PTCHD1: variants seen among roughly 807,000 people sequenced by gnomAD.
The protein encoded by PTCHD1 is patched domain-containing protein 1.
In PTCHD1, 3 loss-of-function variants were observed where a neutral mutation model predicts 34.6. That is an observed-to-expected ratio of 0.09 (90% CI 0.04 to 0.22). The LOEUF is 0.22. Among genes scored for constraint, PTCHD1 ranks in the 10% least tolerant of loss-of-function variants. PTCHD1 has a pLI of 1.00. For synonymous variants in PTCHD1, 305 were observed against 283.1 expected (o/e 1.08, Z -0.77); for missense variants, 504 against 685.5 (o/e 0.74, Z 2.96).
chrX:23,349,183 C>A (rs770024281), intron 1 of PTCHD1, among the ~76,000 whole-genome samples: 1 of 110,144 alleles, frequency 9.1e-6, no homozygotes, highest in Non-Finnish European at 1.9e-5. Context: ...ATAAAATGCT[C>A]AATTAAAACC....
chrX:23,337,751 G>A (rs1373130232), intron 1 of PTCHD1, among the ~76,000 whole-genome samples: 1 of 111,397 alleles, frequency 9.0e-6, no homozygotes, highest in Non-Finnish European at 1.9e-5. Flanking sequence ...GCATGAGCAG[G>A]TCTGAGGCTT....
At chrX:23,380,539 T>A (rs1487483046) in intron 2 of PTCHD1, among the ~76,000 whole-genome samples, 1 of 111,466 alleles carries the variant, frequency 9.0e-6, no homozygotes, top group Admixed American at 9.5e-5. Flanking sequence ...TGTCTTAGGT[T>A]GGGCTTCCCC....
At chrX:23,373,502 A>G (rs1393571475) in intron 1 of PTCHD1, among the ~76,000 whole-genome samples, 1 of 112,954 alleles carries the variant, frequency 8.9e-6, no homozygotes, top group East Asian at 2.8e-4. Context: ...TTTCAAAGGC[A>G]GGATGATATT....
At chrX:23,353,696 T>C (rs1160818652) in intron 1 of PTCHD1, among the ~76,000 whole-genome samples, 8 of 112,117 alleles carry the variant, frequency 7.1e-5, no homozygotes, top group African/African-American at 2.6e-4. Flanking sequence ...ACGGGCTCCA[T>C]CATTTATTCG....
chrX:23,337,822 A>G (rs1601899936), intron 1 of PTCHD1, among the ~76,000 whole-genome samples: 1 of 110,505 alleles, frequency 9.0e-6, no homozygotes, highest in East Asian at 2.8e-4. Flanking sequence ...GTGTTGCTTC[A>G]AGCATGAAGA....
At chrX:23,338,518 T>G (rs896899645) in intron 1 of PTCHD1, among the ~76,000 whole-genome samples, 2 of 112,432 alleles carry the variant, frequency 1.8e-5, no homozygotes, top group African/African-American at 6.5e-5. Flanking sequence ...TACAGCCCAG[T>G]ACTTATGATA....
chrX:23,364,244 T>C (rs1922069604), intron 1 of PTCHD1, among the ~76,000 whole-genome samples: 1 of 110,819 alleles, frequency 9.0e-6, no homozygotes, highest in Non-Finnish European at 1.9e-5. Flanking sequence ...CTCTGGGTAC[T>C]GTAAATATGC....
intron 1 of PTCHD1, among the ~76,000 whole-genome samples, chrX:23,360,487 T>C (rs1301499153): frequency 5.4e-5 from 6 of 112,102 alleles, no homozygotes; most frequent in Non-Finnish European, 3.8e-5. Flanking sequence ...GTGGGATCGG[T>C]GGTGATATCC....
intron 2 of PTCHD1, among the ~76,000 whole-genome samples, chrX:23,390,947 G>A (rs932210405): frequency 3.0e-5 from 2 of 65,635 alleles, no homozygotes; most frequent in Non-Finnish European, 5.3e-5. Flanking sequence ...GATTGAATAT[G>A]CCAAGGCGAT....
At chrX:23,351,287 A>G (rs1921626761) in intron 1 of PTCHD1, 1 of 844,102 alleles carries the variant, frequency 1.2e-6, no homozygotes, top group African/African-American at 2.0e-5. Flanking sequence ...CTGTTCACAC[A>G]AAAGATGTTG....
In PTCHD1 at chrX:23,393,189, G is replaced by T. The variant is rs1482538532; in HGVS notation, c.1671G>T (p.Gly557=). The change falls in exon 3 of 3, where the codon GGG becomes GGT. Residue 557 remains glycine (G), a synonymous_variant. Transcript: ENST00000379361. ...KYFSNYSPVI[G]FYIYESIEYW... is the part of the protein sequence containing the mutation. ...TCAGCAACTACAGTCCTGTGATTGGGTTTTACATATATGAGTCTATAGAAT... is the reference window on the plus strand; with the variant it reads ...TCAGCAACTACAGTCCTGTGATTGGTTTTTACATATATGAGTCTATAGAAT... 1 of 1,209,018 alleles carries T rather than the reference G, an allele frequency of 8.3e-7. No individual in the cohort carries two copies. Among genetic ancestry groups the T allele is most frequent in the African/African-American group, 1.7e-5 (1 of 57,210 alleles).
At chrX:23,372,982 A>C (rs1159602752) in intron 1 of PTCHD1, among the ~76,000 whole-genome samples, 2 of 112,423 alleles carry the variant, frequency 1.8e-5, no homozygotes, top group East Asian at 5.6e-4. Flanking sequence ...AGACCAAGTG[A>C]AATTTTCTCC....
At chrX:23,368,192 A>G (rs1317483387) in intron 1 of PTCHD1, among the ~76,000 whole-genome samples, 1 of 111,742 alleles carries the variant, frequency 8.9e-6, no homozygotes, top group Non-Finnish European at 1.9e-5. Flanking sequence ...GAAAAATTCA[A>G]ACTACCCTAT....
At position 23,394,944 on chromosome X, in the gene PTCHD1, C is replaced by T. The variant is rs901149745; in HGVS notation, c.*759C>T. The T allele has an allele frequency of 8.9e-6, 1 of 112,711 alleles. No homozygotes were observed. Among genetic ancestry groups the T allele is most frequent in the African/African-American group, 3.2e-5 (1 of 30,991 alleles). The allele number at this position is 112,711 out of a possible 1,213,427, so 9.3% of individuals were successfully genotyped here. On this transcript the variant is annotated 3_prime_UTR_variant, in exon 3 of 3. Coordinates refer to ENST00000379361, the MANE Select transcript of PTCHD1 (RefSeq NM_173495.3). The stretch of plus-strand genomic sequence containing the variant: ...AAAACCAATGACAGCTCCAGCACTG[C>T]AGAATTGGTGTGATTCTACTTTGGA...
chrX:23,365,937 T>C (rs1258275205), intron 1 of PTCHD1, among the ~76,000 whole-genome samples: 1 of 111,964 alleles, frequency 8.9e-6, no homozygotes, highest in Admixed American at 9.4e-5. Context: ...ATACAGAAAA[T>C]TGAAAAGCCA....
Position 23,372,181 on chromosome X carries a change from G to GT in PTCHD1, c.352-7397dup, listed in dbSNP as rs372544790. Among the ~76,000 whole-genome samples the GT allele has an allele frequency of 6.1e-3, 616 of 101,649 alleles. 2 individuals carry two copies. The highest frequency in any genetic ancestry group is 0.021 in the South Asian group (48 of 2,245). 88.3% of individuals were successfully genotyped at this position (101,649 alleles called of 115,157 possible). A position where few individuals can be genotyped will look rare whatever the true frequency, so the allele number is the denominator to read the frequency against. On this transcript the variant is annotated intron_variant, in intron 1 of 2. Coordinates refer to ENST00000379361, the MANE Select transcript of PTCHD1 (RefSeq NM_173495.3). ...GATGGTGATGGGCAAACATACTAGTGTTTTTTTTTTTTTAAATTAGGGGTG... is the reference window on the plus strand; with the variant it reads ...GATGGTGATGGGCAAACATACTAGTGTTTTTTTTTTTTTTAAATTAGGGGTG...
At chrX:23,354,998 G>A (rs145700345) in intron 1 of PTCHD1, among the ~76,000 whole-genome samples, 2,687 of 100,845 alleles carry the variant, frequency 0.027, 37 homozygotes, top group Middle Eastern at 0.046. Flanking sequence ...TTCATTTTGT[G>A]TAGGTTTGCT....
At chrX:23,368,872 G>A (rs1421755087) in intron 1 of PTCHD1, among the ~76,000 whole-genome samples, 1 of 110,789 alleles carries the variant, frequency 9.0e-6, no homozygotes, top group African/African-American at 3.3e-5. Context: ...AGACCATCCT[G>A]GCCAACATGG....
intron 1 of PTCHD1, among the ~76,000 whole-genome samples, chrX:23,339,838 C>T (rs954599031): frequency 7.1e-5 from 8 of 112,466 alleles, no homozygotes; most frequent in Non-Finnish European, 1.3e-4. Flanking sequence ...TTGTGGCTCG[C>T]GAAGCCCGAG....
Sources: allele counts gnomAD v4.1 joint callset (sites outside exome capture counted in the v4.1 genomes callset), GRCh38; gene constraint gnomAD v4.1.1; transcripts MANE v1.5; gene names NCBI Gene and HGNC (gene_info 2026-07-23, HGNC 2026-07-21).